The following CACNA1C variants were observed in gnomAD, a reference collection of about 807,000 sequenced individuals.
The protein encoded by CACNA1C is voltage-dependent L-type calcium channel subunit alpha-1C.
In CACNA1C, 30 loss-of-function variants were observed where a neutral mutation model predicts 229.0. That is an observed-to-expected ratio of 0.13 (90% CI 0.10 to 0.18). CACNA1C has a LOEUF of 0.18. Ranked by LOEUF, CACNA1C falls within the 10% of genes least tolerant of loss-of-function variation. CACNA1C has a pLI of 1.00. For missense variants in CACNA1C, 1,658 were observed against 2,845.0 expected, an observed-to-expected ratio of 0.58 and a Z score of 9.49; for synonymous variants, 1,114 against 1,132.5, an observed-to-expected ratio of 0.98 and a Z score of 0.33.
chr12:2,519,977 G>A (rs2239110), intron 9 of CACNA1C, among the ~76,000 whole-genome samples: 30,331 of 152,232 alleles, frequency 0.2, 4,121 homozygotes, highest in African/African-American at 0.38. Context: ...TATACAGTGC[G>A]AAGTAGGCAC....
intron 3 of CACNA1C, among the ~76,000 whole-genome samples, chr12:2,138,328 G>T (rs1438077389): frequency 6.6e-6 from 1 of 151,264 alleles, no homozygotes; most frequent in Non-Finnish European, 1.5e-5. Context: ...GGGCTGGGGA[G>T]CACAAGCCTT....
chr12:2,316,189 A>T (rs1236679109), intron 3 of CACNA1C, among the ~76,000 whole-genome samples: 1 of 152,272 alleles, frequency 6.6e-6, no homozygotes, highest in Non-Finnish European at 1.5e-5. Flanking sequence ...AGCTGAACAT[A>T]GATGGAGACA....
intron 9 of CACNA1C, among the ~76,000 whole-genome samples, chr12:2,521,717 G>A (rs1036683281): frequency 2.0e-5 from 3 of 152,046 alleles, no homozygotes; most frequent in African/African-American, 7.3e-5. Context: ...TCGCTTCTTC[G>A]CTTGGACTTC....
intron 22 of CACNA1C, among the ~76,000 whole-genome samples, chr12:2,604,836 G>T (rs901277935): frequency 6.6e-6 from 1 of 152,152 alleles, no homozygotes; most frequent in Non-Finnish European, 1.5e-5. Context: ...GACCTGCCAT[G>T]AGCCACCTTG....
In CACNA1C at chr12:2,581,803, G is replaced by A. The variant is rs1343814977; in HGVS notation, c.2103+6G>A. The stretch of plus-strand genomic sequence containing the variant: ...CCCTCCTCACTGTGTTTCAGGTATG[G>A]ACTCTTCTCTGCTGGGATTCGGACT... On this transcript the variant is annotated splice_donor_region_variant and intron_variant, in intron 14 of 46. Coordinates refer to ENST00000399655, the MANE Select transcript of CACNA1C (RefSeq NM_000719.7). The A allele has an allele frequency of 6.4e-7, 1 of 1,557,932 alleles. No homozygotes were observed. Among genetic ancestry groups the A allele is most frequent in the Non-Finnish European group, 8.8e-7 (1 of 1,130,098 alleles).
At chr12:2,273,018 A>G (rs2085831328) in intron 3 of CACNA1C, among the ~76,000 whole-genome samples, 1 of 152,232 alleles carries the variant, frequency 6.6e-6, no homozygotes, top group African/African-American at 2.4e-5. Context: ...CTAGTGTTTA[A>G]AGGTTATTTG....
chr12:2,129,933 G>T (rs1164805432), intron 3 of CACNA1C, among the ~76,000 whole-genome samples: 1 of 152,152 alleles, frequency 6.6e-6, no homozygotes, highest in Non-Finnish European at 1.5e-5. Flanking sequence ...TCCTGATTGA[G>T]GACCTATGGG....
intron 1 of CACNA1C, among the ~76,000 whole-genome samples, chr12:2,038,407 C>T (rs1379535826): frequency 1.3e-5 from 2 of 152,144 alleles, no homozygotes; most frequent in Non-Finnish European, 2.9e-5. Flanking sequence ...ACAGACTGGA[C>T]CCCCAAGCTT....
chr12:2,247,082 C>T (rs1387005678), intron 3 of CACNA1C, among the ~76,000 whole-genome samples: 1 of 152,358 alleles, frequency 6.6e-6, no homozygotes, highest in East Asian at 1.9e-4. Context: ...TTCCCTTTGA[C>T]TCCTGCAAAT....
intron 34 of CACNA1C, among the ~76,000 whole-genome samples, chr12:2,657,833 G>A (rs1894979): frequency 0.57 from 85,998 of 152,066 alleles, 28,205 homozygotes; most frequent in Non-Finnish European, 0.72. Context: ...AGCAGTAGCA[G>A]AAGAAATAGA....
At chr12:2,540,182 C>T (rs931633983) in intron 9 of CACNA1C, among the ~76,000 whole-genome samples, 1 of 152,254 alleles carries the variant, frequency 6.6e-6, no homozygotes, top group South Asian at 2.1e-4. Flanking sequence ...AGGTCAGCTT[C>T]CTGGAGCACC....
intron 3 of CACNA1C, among the ~76,000 whole-genome samples, chr12:2,226,527 C>T (rs185813809): frequency 1.4e-4 from 21 of 152,332 alleles, no homozygotes; most frequent in African/African-American, 4.3e-4. Context: ...ACAAAGATTT[C>T]AAGCCCCATC....
chr12:2,069,406 A>T (rs1203612721), intron 1 of CACNA1C, among the ~76,000 whole-genome samples: 1 of 152,152 alleles, frequency 6.6e-6, no homozygotes, highest in Non-Finnish European at 1.5e-5. Context: ...TTTGACTTGC[A>T]TGTGGGGGGT....
Position 2,479,926 on chromosome 12 carries a change from A to T in CACNA1C, c.758-6178A>T, listed in dbSNP as rs1280777301. Among the ~76,000 whole-genome samples the T allele has an allele frequency of 6.6e-6, 1 of 152,134 alleles. No homozygotes were observed. Among genetic ancestry groups the T allele is most frequent in the East Asian group, 1.9e-4 (1 of 5,180 alleles). ...ATTGGGTCGCTGAGAAGTTGTGGTT[A>T]AGATTGCCCCAGTAAAGCCAGCAGA... On this transcript the variant is annotated intron_variant, in intron 5 of 46. Coordinates refer to ENST00000399655, the MANE Select transcript of CACNA1C (RefSeq NM_000719.7). This position sits in a 1 kb window ranked among gnomAD's most constrained non-coding sequence, Gnocchi z 4.3.
At position 2,493,272 on chromosome 12, in the gene CACNA1C, G is replaced by A. The variant is rs770382212; in HGVS notation, c.999G>A (p.Lys333=). ...GRQCQNGTVC[K]PGWDGPKHGI... ...AGTGCCAGAACGGCACGGTGTGCAA[G>A]CCCGGCTGGGATGGTCCCAAGCACG... Residue 333 remains lysine (K), a synonymous_variant, in exon 7 of 47, where the codon AAG becomes AAA. Coordinates refer to ENST00000399655, the MANE Select transcript of CACNA1C (RefSeq NM_000719.7). This position sits in a 1 kb window ranked among gnomAD's most constrained non-coding sequence, Gnocchi z 4.6. 1.9e-5 allele frequency: 31 copies of A among 1,613,940 alleles called. No individual in the cohort carries two copies. Among genetic ancestry groups the A allele is most frequent in the Non-Finnish European group, 2.3e-5 (27 of 1,179,910 alleles).
chr12:2,382,781 A>G (rs910278705), intron 3 of CACNA1C, among the ~76,000 whole-genome samples: 3 of 152,184 alleles, frequency 2.0e-5, no homozygotes, highest in African/African-American at 7.2e-5. Context: ...ATAACCCATG[A>G]GTATTTGAAA....
chr12:2,298,709 G>T (rs2094302572), intron 3 of CACNA1C, among the ~76,000 whole-genome samples: 1 of 152,210 alleles, frequency 6.6e-6, no homozygotes, highest in Admixed American at 6.5e-5. Flanking sequence ...ACTTCTGTAG[G>T]CCCGTGCCCT....
chr12:2,563,740 A>C (rs919770903), intron 11 of CACNA1C, among the ~76,000 whole-genome samples: 2 of 152,250 alleles, frequency 1.3e-5, no homozygotes, highest in African/African-American at 2.4e-5. Flanking sequence ...GGGTATGTGC[A>C]GGGATCCGTA....
intron 3 of CACNA1C, among the ~76,000 whole-genome samples, chr12:2,444,668 C>G (rs757484822): frequency 2.6e-5 from 4 of 152,076 alleles, no homozygotes; most frequent in Non-Finnish European, 2.9e-5. Flanking sequence ...TCTTGAAGTC[C>G]CCTGCTGCAG....
Sources: gnomAD v4.1 joint callset for allele counts (sites outside exome capture counted in the v4.1 genomes callset) on GRCh38, gnomAD v4.1.1 for gene constraint, Gnocchi (gnomAD v3.1) non-coding constraint, MANE v1.5 for transcripts, NCBI Gene and HGNC (gene_info 2026-07-23, HGNC 2026-07-21) for gene names.